Variants in CELF2 observed in about 807,000 individuals in gnomAD.
CELF2 encodes CUGBP Elav-like family member 2.
In CELF2, 8 loss-of-function variants were observed where a neutral mutation model predicts 62.6. The observed-to-expected ratio is 0.13, with a 90% confidence interval of 0.07 to 0.23. The LOEUF (loss-of-function observed/expected upper bound fraction) is 0.23, where lower values mean the gene tolerates loss of function less well. CELF2 is among the 10% of genes least tolerant of loss of function. The pLI is 1.00. For synonymous variants in CELF2, 258 were observed against 250.0 expected (o/e 1.03, Z -0.30); for missense variants, 333 against 671.0 (o/e 0.50, Z 5.56).
chr10:11,234,101 C>T (rs1002738202), intron 3 of CELF2, among the ~76,000 whole-genome samples: 14 of 152,292 alleles, frequency 9.2e-5, no homozygotes, highest in South Asian at 6.2e-4. Context: ...CTGTATGATA[C>T]GAGACACACA....
rs2095335494 is a variant in CELF2, at chr10:11,319,969, C to T, written c.1097-1220C>T. On this transcript the variant is annotated intron_variant, in intron 10 of 12. Coordinates refer to ENST00000633077, the MANE Select transcript of CELF2 (RefSeq NM_001326342.2). The surrounding 1 kb of genome is among the most constrained non-coding windows in gnomAD (Gnocchi z 4.4). ...CCTTACCTTAGCTGTCCTCCATTCT[C>T]ATTAGACTTCTTACCTATTTTTTCA... 1 of 424,940 alleles carries T rather than the reference C, an allele frequency of 2.4e-6. No homozygotes were observed. The highest frequency in any genetic ancestry group is 4.9e-6 in the Non-Finnish European group (1 of 205,454). 26.3% of individuals were successfully genotyped at this position (424,940 alleles called of 1,614,324 possible). A position where few individuals can be genotyped will look rare whatever the true frequency, so the allele number is the denominator to read the frequency against.
At chr10:11,099,501 T>C (rs991421692) in intron 1 of CELF2, among the ~76,000 whole-genome samples, 1 of 152,214 alleles carries the variant, frequency 6.6e-6, no homozygotes, top group Non-Finnish European at 1.5e-5. Flanking sequence ...GTCTTTGCCT[T>C]AAACAGATAC....
intron 1 of CELF2, among the ~76,000 whole-genome samples, chr10:11,155,820 TCA>T (rs2064256191): frequency 6.6e-6 from 1 of 152,194 alleles, no homozygotes; most frequent in African/African-American, 2.4e-5. Flanking sequence ...ACATCCAACC[TCA>T]CACTGCTGGC....
intron 1 of CELF2, among the ~76,000 whole-genome samples, chr10:11,114,207 C>G (rs11256984): frequency 6.6e-6 from 1 of 152,032 alleles, no homozygotes; most frequent in Non-Finnish European, 1.5e-5. Context: ...GCCAGGTGCT[C>G]AGAACATGCT....
At chr10:10,709,059 G>A in the CELF2 span, among the ~76,000 whole-genome samples, 37 of 152,292 alleles carry the variant, frequency 2.4e-4, no homozygotes, top group African/African-American at 8.9e-4. Context: ...ACTCATATAT[G>A]GGAAGGATGA....
intron 2 of CELF2, among the ~76,000 whole-genome samples, chr10:10,920,745 G>A (rs183278403): frequency 2.8e-5 from 4 of 141,040 alleles, no homozygotes; most frequent in African/African-American, 1.0e-4. Context: ...AGAGATGGGG[G>A]TAAGACTGGG....
At chr10:10,562,510 G>C in the CELF2 span, among the ~76,000 whole-genome samples, 3 of 152,204 alleles carry the variant, frequency 2.0e-5, no homozygotes, top group Non-Finnish European at 4.4e-5. Flanking sequence ...AAGAGGTTAA[G>C]TAATTTGCAG....
intron 2 of CELF2, among the ~76,000 whole-genome samples, chr10:10,999,161 G>A (rs139062624): frequency 3.9e-5 from 6 of 152,220 alleles, no homozygotes; most frequent in East Asian, 1.9e-4. Context: ...CTCGTTGAGC[G>A]TGGTATTTCA....
chr10:10,568,028 C>T, the CELF2 span, among the ~76,000 whole-genome samples: 1 of 152,014 alleles, frequency 6.6e-6, no homozygotes, highest in Non-Finnish European at 1.5e-5. Flanking sequence ...AGAGGGTATA[C>T]ACAGAAGAAA....
At chr10:10,687,108 T>G in the CELF2 span, among the ~76,000 whole-genome samples, 1 of 152,300 alleles carries the variant, frequency 6.6e-6, no homozygotes, top group South Asian at 2.1e-4. Flanking sequence ...GTGGTGCCGT[T>G]TTTTCATTTC....
At chr10:10,576,091 T>A in the CELF2 span, among the ~76,000 whole-genome samples, 3 of 152,224 alleles carry the variant, frequency 2.0e-5, no homozygotes, top group Admixed American at 6.5e-5. Context: ...GGCTGCTGCT[T>A]TATCTGGCTG....
the CELF2 span, among the ~76,000 whole-genome samples, chr10:10,669,355 T>C: frequency 6.6e-6 from 1 of 152,318 alleles, no homozygotes; most frequent in South Asian, 2.1e-4. Context: ...GCTGATGTTT[T>C]CTGAGATTAG....
chr10:10,754,295 C>T, the CELF2 span, among the ~76,000 whole-genome samples: 23 of 151,744 alleles, frequency 1.5e-4, no homozygotes, highest in African/African-American at 5.3e-4. Context: ...TAAGTACGTG[C>T]CTCGATGCCT....
chr10:10,494,585 A>G, the CELF2 span, among the ~76,000 whole-genome samples: 3 of 152,222 alleles, frequency 2.0e-5, no homozygotes, highest in African/African-American at 7.2e-5. Context: ...AGGAGATTTG[A>G]CATTTTCTTC....
rs557826126 is a variant in CELF2 at position 10,920,339 on chromosome 10, A to G, written c.89+340A>G. Among the ~76,000 whole-genome samples, 4 of 152,342 alleles carry G rather than the reference A, an allele frequency of 2.6e-5. No homozygotes were observed. In the South Asian group the frequency reaches 8.3e-4, roughly 32 times the overall value. Reference sequence around the variant, plus strand: ...ATGTTCACGGGAATTGGCAATCGAAAAACATATTGGATTGGTTTTTTCTTC... The same window carrying G: ...ATGTTCACGGGAATTGGCAATCGAAGAACATATTGGATTGGTTTTTTCTTC... On this transcript the variant is annotated intron_variant, in intron 2 of 13. Coordinates refer to the CELF2 transcript ENST00000636488.
chr10:11,321,480 C>T lies in CELF2; in HGVS notation c.1294+94C>T. ...AGAAGGTATCAAATTGAACTGAACC[C>T]ATGTCATAACAGAAAGCAGTTGTTT... is the stretch of plus-strand genomic sequence containing the variant. On this transcript the variant is annotated intron_variant, in intron 11 of 12. Transcript: ENST00000633077. This position sits in a 1 kb window ranked among gnomAD's most constrained non-coding sequence, Gnocchi z 6.2. 1 of 945,068 alleles carries T rather than the reference C, an allele frequency of 1.1e-6. No individual in the cohort carries two copies. Among genetic ancestry groups the T allele is most frequent in the South Asian group, 1.6e-5 (1 of 62,208 alleles). The allele number at this position is 945,068 out of a possible 1,614,324, so 58.5% of individuals were successfully genotyped here.
the CELF2 span, among the ~76,000 whole-genome samples, chr10:10,644,682 T>C: frequency 6.6e-6 from 1 of 152,108 alleles, no homozygotes; most frequent in South Asian, 2.1e-4. Flanking sequence ...ATGGATCTCT[T>C]TTCTGACGTG....
rs143258184 is a variant in CELF2 at position 11,039,384 on chromosome 10, A to G, written c.74+21221A>G. Among the ~76,000 whole-genome samples, 662 of 152,336 alleles carry G rather than the reference A, an allele frequency of 4.3e-3. 9 individuals are homozygous for G. The highest frequency in any genetic ancestry group is 0.015 in the African/African-American group (606 of 41,580). ...TAGCCCATCAAAGCTATTAAATAAC[A>G]TAGTACTTTTTGGACTATTCCTCCA... On this transcript the variant is annotated intron_variant, in intron 1 of 12. Transcript: ENST00000633077. This position sits in a 1 kb window ranked among gnomAD's most constrained non-coding sequence, Gnocchi z 4.1.
intron 1 of CELF2, among the ~76,000 whole-genome samples, chr10:10,913,895 G>GAAGGA (rs2064078583): frequency 2.2e-4 from 8 of 36,078 alleles, no homozygotes; most frequent in Non-Finnish European, 5.6e-4. Flanking sequence ...AGAAGGAAGG[G>GAAGGA]AGGGAGGGAG....
Sources: allele counts gnomAD v4.1 joint callset (sites outside exome capture counted in the v4.1 genomes callset), GRCh38; gene constraint gnomAD v4.1.1; non-coding constraint Gnocchi (gnomAD v3.1); transcripts MANE v1.5; gene names NCBI Gene and HGNC (gene_info 2026-07-23, HGNC 2026-07-21).